Variants in BFSP2 observed in about 807,000 individuals in gnomAD.
The protein encoded by BFSP2 is phakinin.
Under a neutral mutation model 44.9 loss-of-function variants are expected in BFSP2, and 38 were observed. That is an observed-to-expected ratio of 0.85 (90% CI 0.65 to 1.11). The LOEUF is 1.11. Among genes scored for constraint, BFSP2 ranks in the 50% least tolerant of loss-of-function variants. The pLI, the probability that BFSP2 is intolerant of heterozygous loss-of-function variation, is 0.00. For missense variants in BFSP2, 525 were observed against 533.0 expected (o/e 0.99, Z 0.15); for synonymous variants, 197 against 209.9 (o/e 0.94, Z 0.53).
chr3:133,472,272 TGC>T (rs2074169249), intron 5 of BFSP2, 71 bp from the exon 6 acceptor site: 4 of 1,501,536 alleles, frequency 2.7e-6, no homozygotes, highest in Non-Finnish European at 3.6e-6. Flanking sequence ...CCCCTGCCAC[TGC>T]TCTGCACACC....
At chr3:133,422,761 G>A (rs1308453840) in intron 1 of BFSP2, among the ~76,000 whole-genome samples, 1 of 152,236 alleles carries the variant, frequency 6.6e-6, no homozygotes, top group Non-Finnish European at 1.5e-5. Flanking sequence ...CCCCAGCCCA[G>A]CACCTGCCAG....
At chr3:133,414,748 CTACTCA>C (rs1278053790) in intron 1 of BFSP2, among the ~76,000 whole-genome samples, 2 of 124,562 alleles carry the variant, frequency 1.6e-5, no homozygotes, top group Non-Finnish European at 3.5e-5. Context: ...CATTTCCCCT[CTACTCA>C]CCCCTATTCT....
intron 4 of BFSP2, among the ~76,000 whole-genome samples, chr3:133,460,290 T>C (rs1467406738): frequency 3.9e-5 from 6 of 152,316 alleles, no homozygotes; most frequent in Non-Finnish European, 2.9e-5. Flanking sequence ...GGTTAGGTAA[T>C]TTGCCCAAAA....
At chr3:133,423,351 C>G (rs2073611449) in intron 1 of BFSP2, among the ~76,000 whole-genome samples, 2 of 152,294 alleles carry the variant, frequency 1.3e-5, no homozygotes, top group South Asian at 4.2e-4. Flanking sequence ...ATTCACTCCA[C>G]CGGGTTGTTG....
intron 1 of BFSP2, among the ~76,000 whole-genome samples, chr3:133,440,476 C>T (rs1279731569): frequency 2.0e-5 from 3 of 152,176 alleles, no homozygotes; most frequent in African/African-American, 7.2e-5. Flanking sequence ...ACTCATCTGA[C>T]ATAAACAACC....
At chr3:133,474,871 T>C in intron 6 of BFSP2, 98 bp from the exon 7 acceptor site, 1 of 1,496,642 alleles carries the variant, frequency 6.7e-7, no homozygotes. Context: ...AAAGGCCAGA[T>C]TCTTTCATGA....
intron 4 of BFSP2, among the ~76,000 whole-genome samples, chr3:133,459,332 A>G (rs1415737158): frequency 6.6e-6 from 1 of 152,212 alleles, no homozygotes; most frequent in Non-Finnish European, 1.5e-5. Context: ...CAACAGGGTG[A>G]GACCCCGTCT....
rs771279738 is a variant in BFSP2, at chr3:133,466,831, C to T, written c.895C>T (p.Gln299Ter). The T allele has an allele frequency of 1.9e-6, 3 of 1,613,628 alleles. No individual in the cohort carries two copies. Among genetic ancestry groups the T allele is most frequent in the Non-Finnish European group, 1.7e-6 (2 of 1,179,972 alleles). ...EAGALLQAKQ[Q>*]AEVAHMSQTQ... ...ACTGAGACCTGACTCTCCACAGCAA[C>T]AGGCGGAGGTGGCCCACATGTCCCA... Residue 299 changes from glutamine (Q) to a stop codon, truncating the protein, a stop_gained, in exon 5 of 7, where the codon CAG becomes TAG. Transcript: ENST00000302334. LOFTEE classifies it high-confidence loss of function.
chr3:133,434,093 G>C (rs1250724377), intron 1 of BFSP2, among the ~76,000 whole-genome samples: 1 of 152,088 alleles, frequency 6.6e-6, no homozygotes, highest in Non-Finnish European at 1.5e-5. Flanking sequence ...GATATCTCTT[G>C]GTGCTATTCC....
intron 1 of BFSP2, among the ~76,000 whole-genome samples, chr3:133,405,896 G>C (rs972591692): frequency 3.3e-5 from 5 of 152,188 alleles, no homozygotes; most frequent in Non-Finnish European, 7.3e-5. Flanking sequence ...AAGGAGGCAT[G>C]AGCCTGCTTC....
chr3:133,444,126 A>T (rs1458394501), intron 1 of BFSP2, among the ~76,000 whole-genome samples: 1 of 151,968 alleles, frequency 6.6e-6, no homozygotes, highest in Non-Finnish European at 1.5e-5. Flanking sequence ...ATATATATAT[A>T]TCAAGCCACT....
At chr3:133,433,730 G>T (rs1420227812) in intron 1 of BFSP2, among the ~76,000 whole-genome samples, 1 of 152,106 alleles carries the variant, frequency 6.6e-6, no homozygotes, top group Non-Finnish European at 1.5e-5. Context: ...CATTTTTTCA[G>T]GCTCTTAGTA....
chr3:133,442,262 C>G (rs1035201266), intron 1 of BFSP2, among the ~76,000 whole-genome samples: 1 of 152,200 alleles, frequency 6.6e-6, no homozygotes. Context: ...ACATCAGTCT[C>G]CCAAGTAGCT....
intron 4 of BFSP2, among the ~76,000 whole-genome samples, chr3:133,459,339 G>A (rs1046248871): frequency 1.3e-5 from 2 of 152,110 alleles, no homozygotes; most frequent in Non-Finnish European, 2.9e-5. Flanking sequence ...GTGAGACCCC[G>A]TCTCAAAATA....
intron 1 of BFSP2, among the ~76,000 whole-genome samples, chr3:133,415,004 TCTC>T (rs1471700854): frequency 1.7e-5 from 2 of 119,820 alleles, no homozygotes; most frequent in Non-Finnish European, 3.4e-5. Context: ...CCTTGTCCTC[TCTC>T]CTCTACTCAC....
intron 4 of BFSP2, among the ~76,000 whole-genome samples, chr3:133,462,559 TAA>T (rs968590283): frequency 2.0e-5 from 3 of 152,208 alleles, no homozygotes; most frequent in Non-Finnish European, 4.4e-5. Flanking sequence ...GGAGTGATGG[TAA>T]ATGTTTCACA....
At chr3:133,421,851 G>A (rs752000921) in intron 1 of BFSP2, among the ~76,000 whole-genome samples, 21 of 152,230 alleles carry the variant, frequency 1.4e-4, no homozygotes, top group African/African-American at 4.3e-4. Flanking sequence ...GCTCACGCCC[G>A]TAATCCCAGC....
chr3:133,408,584 C>A (rs950874529), intron 1 of BFSP2, among the ~76,000 whole-genome samples: 1 of 152,228 alleles, frequency 6.6e-6, no homozygotes, highest in Non-Finnish European at 1.5e-5. Flanking sequence ...CACTGCAATC[C>A]TATCTGTAAT....
At position 133,447,272 on chromosome 3, in the gene BFSP2, C is replaced by A. The variant is rs377554002; in HGVS notation, c.490-45C>A. 3.2e-5 allele frequency: 51 copies of A among 1,602,668 alleles called. No individual in the cohort carries two copies. In the African/African-American group the frequency reaches 5.6e-4, roughly 18 times the overall value. ...AAGTCATGGTGGTAAGTGATCTTGACGCTCCCAGTGACCTTGTCTCCTTTG... is the reference window on the plus strand; with the variant it reads ...AAGTCATGGTGGTAAGTGATCTTGAAGCTCCCAGTGACCTTGTCTCCTTTG... On this transcript the variant is annotated intron_variant, in intron 1 of 6. Transcript: ENST00000302334.
Sources: allele counts gnomAD v4.1 joint callset (sites outside exome capture counted in the v4.1 genomes callset), GRCh38; gene constraint gnomAD v4.1.1; transcripts MANE v1.5; gene names NCBI Gene and HGNC (gene_info 2026-07-23, HGNC 2026-07-21).